The following PHLPP1 variants were observed in gnomAD, a reference collection of about 807,000 sequenced individuals.
The protein encoded by PHLPP1 is PH domain and leucine rich repeat protein phosphatase 1.
Under a neutral mutation model 117.2 loss-of-function variants are expected in PHLPP1, and 42 were observed. That is an observed-to-expected ratio of 0.36 (90% CI 0.28 to 0.46). PHLPP1 has a LOEUF of 0.46. Ranked by LOEUF, PHLPP1 falls within the 20% of genes least tolerant of loss-of-function variation. PHLPP1 has a pLI of 1.00. For synonymous variants in PHLPP1, 1,042 were observed against 970.7 expected, an observed-to-expected ratio of 1.07 and a Z score of -1.37; for missense variants, 2,084 against 2,241.9, an observed-to-expected ratio of 0.93 and a Z score of 1.42.
chr18:62,888,030 T>G (rs1916323556), intron 4 of PHLPP1, among the ~76,000 whole-genome samples: 1 of 152,168 alleles, frequency 6.6e-6, no homozygotes, highest in East Asian at 1.9e-4. Context: ...AGGCATGATG[T>G]TTTTTAAAAG....
intron 3 of PHLPP1, among the ~76,000 whole-genome samples, chr18:62,852,890 GT>G (rs1915394720): frequency 6.6e-6 from 1 of 152,210 alleles, no homozygotes; most frequent in Non-Finnish European, 1.5e-5. Context: ...ATGATGCAGA[GT>G]ACTGTCCTCT....
intron 1 of PHLPP1, among the ~76,000 whole-genome samples, chr18:62,728,565 G>A (rs546308707): frequency 4.0e-5 from 6 of 150,348 alleles, no homozygotes; most frequent in South Asian, 4.2e-4. Flanking sequence ...GTGCAGTGGC[G>A]CGATCTTGGT....
At position 62,715,655 on chromosome 18, in the gene PHLPP1, C is replaced by T. The variant is rs1910693704; in HGVS notation, c.-29C>T. On this transcript the variant is annotated 5_prime_UTR_variant, in exon 1 of 17. Transcript: ENST00000262719. The stretch of plus-strand genomic sequence containing the variant: ...CCCTCTCCGCCCGCTGCCTCCGGAG[C>T]TGGGGGGGAAACGCGAAGCCCCACT... 4.7e-6 allele frequency: 6 copies of T among 1,263,348 alleles called. No homozygotes were observed. In the East Asian group the frequency reaches 9.4e-5, roughly 20 times the overall value. 78.3% of individuals were successfully genotyped at this position (1,263,348 alleles called of 1,614,324 possible).
At chr18:62,876,637 C>G (rs1916056951) in intron 4 of PHLPP1, among the ~76,000 whole-genome samples, 1 of 152,144 alleles carries the variant, frequency 6.6e-6, no homozygotes, top group African/African-American at 2.4e-5. Context: ...TTTAGAAATG[C>G]TTTGAGCAGC....
At chr18:62,729,607 G>T (rs946136171) in intron 1 of PHLPP1, among the ~76,000 whole-genome samples, 5 of 152,050 alleles carry the variant, frequency 3.3e-5, no homozygotes, top group African/African-American at 1.2e-4. Flanking sequence ...CCAGGGAGGT[G>T]GAGGTTGCCG....
intron 4 of PHLPP1, among the ~76,000 whole-genome samples, chr18:62,877,493 A>G (rs756293512): frequency 2.0e-5 from 3 of 152,240 alleles, no homozygotes; most frequent in African/African-American, 7.2e-5. Context: ...AAGCCTATGT[A>G]AAAGAAAAAC....
In PHLPP1 at chr18:62,749,248, A is replaced by T. The variant is rs528199035; in HGVS notation, c.1576+31989A>T. On this transcript the variant is annotated intron_variant, in intron 1 of 16. Coordinates refer to ENST00000262719, the MANE Select transcript of PHLPP1 (RefSeq NM_194449.4). Reference sequence around the variant, plus strand: ...TATATATAAGGTTTTTTTTTTTTTTAAATTTAAGTTTTGCAGCCTCATATG... The same window carrying T: ...TATATATAAGGTTTTTTTTTTTTTTTAATTTAAGTTTTGCAGCCTCATATG... Among the ~76,000 whole-genome samples the T allele has an allele frequency of 5.3e-4, 78 of 148,414 alleles. No individual in the cohort carries two copies. The South Asian group carries it at 0.012, about 22-fold the overall frequency.
chr18:62,819,499 T>C (rs558267441), intron 1 of PHLPP1, among the ~76,000 whole-genome samples: 1 of 152,298 alleles, frequency 6.6e-6, no homozygotes, highest in African/African-American at 2.4e-5. Flanking sequence ...AAACAAAGAA[T>C]AATATGGTCA....
At position 62,962,284 on chromosome 18, in the gene PHLPP1, T is replaced by TTTATGTTATG. The variant is rs568386796; in HGVS notation, c.3456-1072_3456-1063dup. Among the ~76,000 whole-genome samples the TTTATGTTATG allele has an allele frequency of 9.9e-4, 150 of 152,152 alleles. 1 individual carries two copies. Among genetic ancestry groups the TTTATGTTATG allele is most frequent in the African/African-American group, 3.5e-3 (145 of 41,464 alleles). On this transcript the variant is annotated intron_variant, in intron 13 of 16. Transcript: ENST00000262719. ...TTTATTTTATTTTATTTTATGTTCTTTTATGTTATGTTATGTTATGTGTTA... is the reference window on the plus strand; with the variant it reads ...TTTATTTTATTTTATTTTATGTTCTTTTATGTTATGTTATGTTATGTTATGTTATGTGTTA...
chr18:62,946,279 G>C (rs1274094829), intron 12 of PHLPP1, among the ~76,000 whole-genome samples: 1 of 151,050 alleles, frequency 6.6e-6, no homozygotes, highest in Non-Finnish European at 1.5e-5. Context: ...TTTTGTTTTT[G>C]AGATGGAGTT....
chr18:62,721,623 A>G (rs1173887024), intron 1 of PHLPP1, among the ~76,000 whole-genome samples: 1 of 152,166 alleles, frequency 6.6e-6, no homozygotes, highest in Non-Finnish European at 1.5e-5. Flanking sequence ...AATTCATGTT[A>G]TATAGTGCTA....
intron 1 of PHLPP1, among the ~76,000 whole-genome samples, chr18:62,787,259 C>T (rs1913320697): frequency 1.3e-5 from 2 of 152,188 alleles, no homozygotes; most frequent in Non-Finnish European, 2.9e-5. Flanking sequence ...CAACCTCCAC[C>T]TCCTGTAAAT....
intron 3 of PHLPP1, 126 bp from the exon 4 acceptor site, chr18:62,860,309 T>C: frequency 1.3e-6 from 1 of 757,474 alleles, no homozygotes; most frequent in Non-Finnish European, 2.2e-6. Context: ...TGTTGGTTTA[T>C]ATTTGGACTA....
In PHLPP1 at chr18:62,946,004, G is replaced by A. The variant is rs370039193; in HGVS notation, c.3324+733G>A. Among the ~76,000 whole-genome samples the A allele has an allele frequency of 6.6e-5, 10 of 152,172 alleles. No individual in the cohort carries two copies. In the East Asian group the frequency reaches 1.7e-3, roughly 26 times the overall value. ...TTGTTTCTTTTCTGGCAGGGAAATGGTACAGAAGTAAAAAGTTCTTTATAT... is the reference window on the plus strand; with the variant it reads ...TTGTTTCTTTTCTGGCAGGGAAATGATACAGAAGTAAAAAGTTCTTTATAT... On this transcript the variant is annotated intron_variant, in intron 12 of 16. Transcript: ENST00000262719.
rs1186232748 is a variant in PHLPP1, at chr18:62,978,623, C to T, written c.4346C>T (p.Pro1449Leu). The change falls in exon 17 of 17, where the codon CCT becomes CTT. Residue 1449 changes from proline to leucine, a missense_variant. Transcript: ENST00000262719. The surrounding 1 kb of genome is among the most constrained non-coding windows in gnomAD (Gnocchi z 7.0). ...CCACCACCCAGTCCTGGCATCTTTC[C>T]TCCCTCAGTGAACATGGTGATCAAG... is the stretch of plus-strand genomic sequence containing the variant. Reference protein sequence around the residue: ...AVPPPSPGIFPPSVNMVIKDR... With the variant: ...AVPPPSPGIFLPSVNMVIKDR... 6.2e-7 allele frequency: 1 copy of T among 1,613,864 alleles called. No individual in the cohort carries two copies. The highest frequency in any genetic ancestry group is 1.7e-5 in the Admixed American group (1 of 60,030).
intron 1 of PHLPP1, among the ~76,000 whole-genome samples, chr18:62,721,917 A>G (rs1191191466): frequency 6.6e-6 from 1 of 152,200 alleles, no homozygotes; most frequent in African/African-American, 2.4e-5. Flanking sequence ...TGGTAACATA[A>G]CATTCACTGA....
At chr18:62,877,558 A>G (rs1231854633) in intron 4 of PHLPP1, among the ~76,000 whole-genome samples, 1 of 152,222 alleles carries the variant, frequency 6.6e-6, no homozygotes, top group Non-Finnish European at 1.5e-5. Context: ...TTCCACTACC[A>G]GGGTTCCATG....
intron 1 of PHLPP1, among the ~76,000 whole-genome samples, chr18:62,828,008 TTGTGTGTGTGTGTGTG>T (rs34088259): frequency 2.0e-5 from 3 of 146,668 alleles, no homozygotes; most frequent in African/African-American, 5.0e-5. Context: ...TTCTTTGCAT[TTGTGTGTGTGTGTGTG>T]TGTGTGTGTG....
chr18:62,722,146 T>C (rs775965338), intron 1 of PHLPP1, among the ~76,000 whole-genome samples: 2 of 152,212 alleles, frequency 1.3e-5, no homozygotes, highest in African/African-American at 4.8e-5. Flanking sequence ...ATTAATATCT[T>C]CTATTTCACG....
Sources: gnomAD v4.1 joint callset for allele counts (sites outside exome capture counted in the v4.1 genomes callset) on GRCh38, gnomAD v4.1.1 for gene constraint, Gnocchi (gnomAD v3.1) non-coding constraint, MANE v1.5 for transcripts, NCBI Gene and HGNC (gene_info 2026-07-23, HGNC 2026-07-21) for gene names.